Variants in SLC6A6 observed in about 807,000 individuals in gnomAD.
SLC6A6 encodes solute carrier family 6 member 6, also known as sodium- and chloride-dependent taurine transporter.
Under a neutral mutation model 68.8 loss-of-function variants are expected in SLC6A6, and 16 were observed. The ratio of observed to expected loss-of-function variants is 0.23; its 90% CI spans 0.16 to 0.35. SLC6A6 has a LOEUF of 0.35. Among genes scored for constraint, SLC6A6 ranks in the 10% least tolerant of loss-of-function variants. SLC6A6 has a pLI of 1.00. For synonymous variants in SLC6A6, 312 were observed against 315.4 expected, an observed-to-expected ratio of 0.99 and a Z score of 0.12; for missense variants, 474 against 802.8, an observed-to-expected ratio of 0.59 and a Z score of 4.95.
chr3:14,480,582 G>A (rs1206958925), intron 13 of SLC6A6, among the ~76,000 whole-genome samples: 5 of 152,226 alleles, frequency 3.3e-5, no homozygotes, highest in East Asian at 1.9e-4. Context: ...AGGGCCAGAC[G>A]TGCAGTTGGT....
intron 12 of SLC6A6, 198 bp downstream of exon 12, chr3:14,478,766 A>G: frequency 1.7e-6 from 1 of 603,344 alleles, no homozygotes; most frequent in South Asian, 2.0e-5. Context: ...GTGTGACTGG[A>G]TGTTTTCACA....
At chr3:14,452,410 G>A (rs1195935450) in intron 5 of SLC6A6, among the ~76,000 whole-genome samples, 2 of 152,222 alleles carry the variant, frequency 1.3e-5, no homozygotes, top group Non-Finnish European at 2.9e-5. Flanking sequence ...AAGACGTGCA[G>A]TGCCCTGCCC....
At chr3:14,457,606 C>G (rs961521755) in intron 5 of SLC6A6, among the ~76,000 whole-genome samples, 4 of 152,182 alleles carry the variant, frequency 2.6e-5, no homozygotes, top group Non-Finnish European at 5.9e-5. Context: ...GTTTGGCCCA[C>G]GGTTGGCACT....
rs1202910237 is a variant in SLC6A6 at position 14,481,973 on chromosome 3, T to C, written c.1722+132T>C. On this transcript the variant is annotated intron_variant, in intron 14 of 14. Transcript: ENST00000622186. The surrounding 1 kb of genome is among the most constrained non-coding windows in gnomAD (Gnocchi z 4.7). Reference sequence around the variant, plus strand: ...CATAGTTCCCTCACCCATCCAGTGGTTCAGCTTATGGGCAGCAGAGTGCAT... The same window carrying C: ...CATAGTTCCCTCACCCATCCAGTGGCTCAGCTTATGGGCAGCAGAGTGCAT... 9.9e-6 allele frequency: 7 copies of C among 708,154 alleles called. No homozygotes were observed. The highest frequency in any genetic ancestry group is 1.4e-5 in the Non-Finnish European group (6 of 421,866). The allele number at this position is 708,154 out of a possible 1,614,324, so 43.9% of individuals were successfully genotyped here.
chr3:14,425,400 G>A (rs1483692022), intron 2 of SLC6A6, among the ~76,000 whole-genome samples: 1 of 152,184 alleles, frequency 6.6e-6, no homozygotes, highest in Non-Finnish European at 1.5e-5. Context: ...AAGCAGCAGA[G>A]GCAGGGAGGG....
intron 12 of SLC6A6, 187 bp downstream of exon 12, chr3:14,478,755 G>T: frequency 1.6e-6 from 1 of 607,366 alleles, no homozygotes; most frequent in Non-Finnish European, 2.9e-6. Context: ...AAAGGTGTGA[G>T]GTGTGACTGG....
At chr3:14,437,908 G>A (rs920401569) in intron 2 of SLC6A6, among the ~76,000 whole-genome samples, 1 of 151,636 alleles carries the variant, frequency 6.6e-6, no homozygotes, top group African/African-American at 2.4e-5. Flanking sequence ...GCTCACTGCA[G>A]TGTCCGCCTC....
At chr3:14,421,557 ATG>A (rs1237738150) in intron 2 of SLC6A6, among the ~76,000 whole-genome samples, 1 of 152,202 alleles carries the variant, frequency 6.6e-6, no homozygotes, top group Non-Finnish European at 1.5e-5. Context: ...TCTTCAATAA[ATG>A]AAGTTAACAT....
chr3:14,459,397 T>TA (rs1700443715), intron 6 of SLC6A6, among the ~76,000 whole-genome samples: 1 of 152,168 alleles, frequency 6.6e-6, no homozygotes, highest in Non-Finnish European at 1.5e-5. Flanking sequence ...TCCAGTCACT[T>TA]ACCCTGCAAG....
At chr3:14,474,448 G>A (rs1305736420) in intron 10 of SLC6A6, among the ~76,000 whole-genome samples, 1 of 152,118 alleles carries the variant, frequency 6.6e-6, no homozygotes, top group Admixed American at 6.6e-5. Context: ...ACATTGCGCG[G>A]CCATCACCAC....
chr3:14,447,863 A>G, intron 5 of SLC6A6, 47 bp downstream of exon 5: 1 of 1,605,722 alleles, frequency 6.2e-7, no homozygotes, highest in Admixed American at 1.7e-5. Context: ...GGTGGGGCAG[A>G]GAGGATGGCC....
intron 5 of SLC6A6, among the ~76,000 whole-genome samples, chr3:14,448,836 A>T (rs1700191314): frequency 6.6e-6 from 1 of 152,210 alleles, no homozygotes; most frequent in South Asian, 2.1e-4. Flanking sequence ...AGGCTGATCA[A>T]AAATAGGCTA....
chr3:14,461,545 G>A (rs1216002056), intron 6 of SLC6A6, among the ~76,000 whole-genome samples: 2 of 152,218 alleles, frequency 1.3e-5, no homozygotes, highest in African/African-American at 4.8e-5. Context: ...CCCTGCAGAC[G>A]CACAGGGGAG....
At chr3:14,478,011 C>A (rs1340171678) in intron 11 of SLC6A6, among the ~76,000 whole-genome samples, 1 of 152,080 alleles carries the variant, frequency 6.6e-6, no homozygotes, top group Non-Finnish European at 1.5e-5. Flanking sequence ...CCCACCACCT[C>A]CCCTGTTCCC....
Position 14,472,887 on chromosome 3 carries a change from G to A in SLC6A6, c.1209+570G>A, listed in dbSNP as rs563948216. ...AGGGGCTGGGCATTGGCTCCCTCCCGTGCTTTATACACCGCACAGGCCGGG... is the reference window on the plus strand; with the variant it reads ...AGGGGCTGGGCATTGGCTCCCTCCCATGCTTTATACACCGCACAGGCCGGG... On this transcript the variant is annotated intron_variant, in intron 10 of 14. Coordinates refer to ENST00000622186, the MANE Select transcript of SLC6A6 (RefSeq NM_003043.6). This position sits in a 1 kb window ranked among gnomAD's most constrained non-coding sequence, Gnocchi z 4.5. Among the ~76,000 whole-genome samples, 221 of 152,340 alleles carry A rather than the reference G, an allele frequency of 1.5e-3. No individual in the cohort carries two copies. Among genetic ancestry groups the A allele is most frequent in the Non-Finnish European group, 2.2e-3 (152 of 68,028 alleles).
At position 14,467,701 on chromosome 3, in the gene SLC6A6, G is replaced by A. The variant is rs999742633; in HGVS notation, c.868-152G>A. On this transcript the variant is annotated intron_variant, in intron 7 of 14. Transcript: ENST00000622186. ...TTGCAGCTCAGTACTGCCTTGAAAGGCACCTTGGATTCGAGCATAAATGTT... is the reference window on the plus strand; with the variant it reads ...TTGCAGCTCAGTACTGCCTTGAAAGACACCTTGGATTCGAGCATAAATGTT... 1.3e-5 allele frequency: 8 copies of A among 600,180 alleles called. No homozygotes were observed. The African/African-American group carries it at 1.5e-4, about 11-fold the overall frequency. The allele number at this position is 600,180 out of a possible 1,614,324, so 37.2% of individuals were successfully genotyped here.
intron 5 of SLC6A6, among the ~76,000 whole-genome samples, chr3:14,453,896 G>A (rs1250842756): frequency 1.3e-5 from 2 of 152,178 alleles, no homozygotes; most frequent in East Asian, 1.9e-4. Context: ...GATCGCGTTC[G>A]ACCTGTTCAG....
Position 14,468,342 on chromosome 3 carries a change from C to CTA in SLC6A6, c.1096+130_1096+131insTA, listed in dbSNP as rs1553578743. On this transcript the variant is annotated intron_variant, in intron 9 of 14. Coordinates refer to ENST00000622186, the MANE Select transcript of SLC6A6 (RefSeq NM_003043.6). This position sits in a 1 kb window ranked among gnomAD's most constrained non-coding sequence, Gnocchi z 4.5. ...GCCTGGTTTCTAAAATGGACCCCCCCCCCGCCACCAAGATATCCCCCAAAT... is the reference window on the plus strand; with the variant it reads ...GCCTGGTTTCTAAAATGGACCCCCCCTACCCGCCACCAAGATATCCCCCAAAT... The CTA allele has an allele frequency of 2.7e-5, 20 of 735,424 alleles. No individual in the cohort carries two copies. In the African/African-American group the frequency reaches 3.5e-4, roughly 13 times the overall value. The allele number at this position is 735,424 out of a possible 1,614,324, so 45.6% of individuals were successfully genotyped here.
chr3:14,425,239 C>T (rs547381400), intron 2 of SLC6A6, among the ~76,000 whole-genome samples: 8 of 152,284 alleles, frequency 5.3e-5, no homozygotes, highest in Non-Finnish European at 1.0e-4. Context: ...AGTGACATTC[C>T]TGAGGTCACC....
Sources: allele counts gnomAD v4.1 joint callset (sites outside exome capture counted in the v4.1 genomes callset), GRCh38; gene constraint gnomAD v4.1.1; non-coding constraint Gnocchi (gnomAD v3.1); transcripts MANE v1.5; gene names NCBI Gene and HGNC (gene_info 2026-07-23, HGNC 2026-07-21).